Variants in NFYC observed in about 807,000 individuals in gnomAD.
The protein encoded by NFYC is nuclear transcription factor Y subunit gamma, also known as CAAT box DNA-binding protein subunit C.
Under a neutral mutation model 53.1 loss-of-function variants are expected in NFYC, and 25 were observed. That is an observed-to-expected ratio of 0.47 (90% confidence interval 0.34 to 0.66). The LOEUF is 0.66. Ranked by LOEUF, NFYC falls within the 30% of genes least tolerant of loss-of-function variation. The pLI, the probability that NFYC is intolerant of heterozygous loss-of-function variation, is 0.01. For synonymous variants in NFYC, 145 were observed against 152.6 expected (o/e 0.95, Z 0.37); for missense variants, 260 against 422.7 (o/e 0.62, Z 3.38).
At chr1:40,769,225 A>G (rs938479590) in intron 8 of NFYC, 131 bp from the exon 9 acceptor site, 1 of 821,994 alleles carries the variant, frequency 1.2e-6, no homozygotes, top group African/African-American at 1.7e-5. Flanking sequence ...CTTGCTTACT[A>G]CCCATTGAGC....
At chr1:40,723,700 G>A (rs1157659481) in intron 1 of NFYC, 3 of 151,664 alleles carry the variant, frequency 2.0e-5, no homozygotes, top group Non-Finnish European at 4.4e-5. Context: ...ATCTTGCTCT[G>A]CTGTTCCTGC....
At chr1:40,767,451 A>C (rs895628375) in intron 8 of NFYC, among the ~76,000 whole-genome samples, 10 of 152,148 alleles carry the variant, frequency 6.6e-5, no homozygotes, top group African/African-American at 1.9e-4. Context: ...AATACGAGGA[A>C]TGAGCCAAAA....
At position 40,739,456 on chromosome 1, in the gene NFYC, T is replaced by C. The variant is rs142895293; in HGVS notation, c.105+508T>C. 5.8e-4 allele frequency among the ~76,000 whole-genome samples: 89 copies of C among 152,324 alleles called. 1 individual carries two copies. Among genetic ancestry groups the C allele is most frequent in the African/African-American group, 2.0e-3 (85 of 41,574 alleles). ...CATTTTGGGCCAGATAATTCTTTGT[T>C]GTGAGGGGCCGTCTTATGCATAACA... On this transcript the variant is annotated intron_variant, in intron 2 of 9. Coordinates refer to ENST00000447388, the MANE Select transcript of NFYC (RefSeq NM_014223.5).
intron 1 of NFYC, among the ~76,000 whole-genome samples, chr1:40,720,637 T>C (rs1186085325): frequency 6.6e-6 from 1 of 152,080 alleles, no homozygotes; most frequent in African/African-American, 2.4e-5. Flanking sequence ...CAGGCCAAAG[T>C]GAGAGGATCA....
intron 5 of NFYC, chr1:40,757,202 G>A (rs189395522): frequency 1.4e-4 from 40 of 282,806 alleles, no homozygotes; most frequent in Middle Eastern, 3.0e-3. Context: ...GGGGCACCAT[G>A]TGTCACACAG....
At chr1:40,705,591 G>C (rs1481170994) in intron 1 of NFYC, among the ~76,000 whole-genome samples, 1 of 152,124 alleles carries the variant, frequency 6.6e-6, no homozygotes, top group African/African-American at 2.4e-5. Flanking sequence ...GTTGTTTCAT[G>C]CTCTTATAAA....
At chr1:40,736,067 T>C (rs12566733) in intron 1 of NFYC, among the ~76,000 whole-genome samples, 32,528 of 152,116 alleles carry the variant, frequency 0.21, 4,119 homozygotes, top group South Asian at 0.41. Flanking sequence ...CACTTCCCTT[T>C]AACTCCCTTC....
At chr1:40,722,393 AAG>A (rs965562142) in intron 1 of NFYC, among the ~76,000 whole-genome samples, 7 of 152,200 alleles carry the variant, frequency 4.6e-5, no homozygotes, top group African/African-American at 7.2e-5. Context: ...ATGTTTATAA[AAG>A]AGATAGGAGA....
At chr1:40,726,107 TTG>T (rs34878179) in intron 1 of NFYC, among the ~76,000 whole-genome samples, 8 of 102,006 alleles carry the variant, frequency 7.8e-5, no homozygotes, top group African/African-American at 1.2e-4. Flanking sequence ...GTGTATGTGT[TTG>T]TGTGTGTGTG....
intron 7 of NFYC, chr1:40,763,530 A>G (rs1205751863): frequency 2.5e-5 from 10 of 395,838 alleles, no homozygotes; most frequent in Non-Finnish European, 4.5e-5. Flanking sequence ...TATTTTTAGT[A>G]GAGATGGGGT....
intron 1 of NFYC, among the ~76,000 whole-genome samples, chr1:40,714,895 A>G (rs370805337): frequency 3.4e-4 from 52 of 152,012 alleles, no homozygotes; most frequent in African/African-American, 1.2e-3. Context: ...CCTGGCTAAC[A>G]TGGTTAAACC....
chr1:40,740,174 G>A (rs1298196644), intron 2 of NFYC, among the ~76,000 whole-genome samples: 1 of 152,176 alleles, frequency 6.6e-6, no homozygotes, highest in African/African-American at 2.4e-5. Context: ...TAGCATCCTG[G>A]CAGAGCAGAC....
chr1:40,769,254 A>G (rs1237002934), intron 8 of NFYC, 102 bp from the exon 9 acceptor site: 5 of 1,174,512 alleles, frequency 4.3e-6, no homozygotes, highest in South Asian at 1.3e-5. Context: ...GGCACTTTAT[A>G]TGCATTGTCT....
In NFYC at chr1:40,749,566, G is replaced by C. The variant is rs749975180; in HGVS notation, c.178-7G>C. 6.2e-7 allele frequency: 1 copy of C among 1,611,034 alleles called. No homozygotes were observed. ...TGATTGACAGGGAGGGCCTGTGTCT[G>C]TTACAGATGATCAGTGCAGAAGCGC... On this transcript the variant is annotated splice_polypyrimidine_tract_variant and splice_region_variant and intron_variant, in intron 3 of 9. Coordinates refer to ENST00000447388, the MANE Select transcript of NFYC (RefSeq NM_014223.5).
intron 7 of NFYC, among the ~76,000 whole-genome samples, chr1:40,765,432 A>G (rs1188015208): frequency 6.6e-6 from 1 of 152,220 alleles, no homozygotes; most frequent in African/African-American, 2.4e-5. Flanking sequence ...AAGCATTTTG[A>G]TTGAACACTG....
chr1:40,731,520 C>G (rs1570491419), intron 1 of NFYC, among the ~76,000 whole-genome samples: 1 of 149,142 alleles, frequency 6.7e-6, no homozygotes, highest in Admixed American at 6.7e-5. Flanking sequence ...GAGTCTTGCT[C>G]TGTTGCCAGG....
At chr1:40,737,761 A>ATGTTAC (rs972953202) in intron 1 of NFYC, among the ~76,000 whole-genome samples, 2 of 152,154 alleles carry the variant, frequency 1.3e-5, no homozygotes, top group African/African-American at 4.8e-5. Context: ...CAGGGGCTTC[A>ATGTTAC]TGTTACCTAC....
At chr1:40,747,361 A>G (rs1645668680) in intron 2 of NFYC, among the ~76,000 whole-genome samples, 173 bp from the exon 3 acceptor site, 1 of 151,906 alleles carries the variant, frequency 6.6e-6, no homozygotes, top group Non-Finnish European at 1.5e-5. Context: ...TATGTTAAGT[A>G]AAGAAGAATT....
chr1:40,719,663 A>G (rs910814847), intron 1 of NFYC, among the ~76,000 whole-genome samples: 1 of 152,118 alleles, frequency 6.6e-6, no homozygotes, highest in African/African-American at 2.4e-5. Context: ...TTTTCAGGAG[A>G]GTGATCAGGA....
Sources: allele counts gnomAD v4.1 joint callset (sites outside exome capture counted in the v4.1 genomes callset), GRCh38; gene constraint gnomAD v4.1.1; transcripts MANE v1.5; gene names NCBI Gene and HGNC (gene_info 2026-07-23, HGNC 2026-07-21).